Variants in ST8SIA2 observed in about 807,000 individuals in gnomAD.
ST8SIA2 encodes the protein alpha-2,8-sialyltransferase 8B.
ST8SIA2 carries 22 observed loss-of-function variants against 37.6 expected under a neutral mutation model. That is an observed-to-expected ratio of 0.58 (90% CI 0.42 to 0.83). The LOEUF is 0.83. Ranked by LOEUF, ST8SIA2 falls within the 40% of genes least tolerant of loss-of-function variation. The pLI is 0.00. For synonymous variants in ST8SIA2, 205 were observed against 201.2 expected (o/e 1.02, Z -0.16); for missense variants, 382 against 484.7 (o/e 0.79, Z 1.99).
chr15:92,398,112 C>T (rs1005905989), intron 1 of ST8SIA2, among the ~76,000 whole-genome samples: 9 of 151,770 alleles, frequency 5.9e-5, no homozygotes, highest in African/African-American at 1.7e-4. Flanking sequence ...CCAGCCTGGG[C>T]GACAGAGCGA....
At chr15:92,434,184 T>C (rs904331369) in intron 2 of ST8SIA2, 63 bp from the exon 3 acceptor site, 142 of 1,608,930 alleles carry the variant, frequency 8.8e-5, no homozygotes, top group Non-Finnish European at 1.1e-4. Flanking sequence ...ACAAAACTAT[T>C]AGACTTGTCG....
At chr15:92,460,832 G>A (rs1214510101) in intron 5 of ST8SIA2, among the ~76,000 whole-genome samples, 2 of 152,238 alleles carry the variant, frequency 1.3e-5, no homozygotes, top group Non-Finnish European at 2.9e-5. Context: ...CCTGAAAGGA[G>A]GACCTGGCTC....
At chr15:92,451,846 T>A (rs1171374616) in intron 5 of ST8SIA2, among the ~76,000 whole-genome samples, 4 of 152,066 alleles carry the variant, frequency 2.6e-5, no homozygotes, top group Admixed American at 2.6e-4. Context: ...CAGATCCAGG[T>A]CTCCTCCCTG....
Position 92,393,979 on chromosome 15 carries a change from G to T in ST8SIA2, c.-86G>T, listed in dbSNP as rs924764861. On this transcript the variant is annotated 5_prime_UTR_variant, in exon 1 of 6. Coordinates refer to ENST00000268164, the MANE Select transcript of ST8SIA2 (RefSeq NM_006011.4). Reference sequence around the variant, plus strand: ...GTGTCTGCCCAGCTGCGCGCGGCGCGCGGAGGCTCCGGCGTCCGCCGCTGC... The same window carrying T: ...GTGTCTGCCCAGCTGCGCGCGGCGCTCGGAGGCTCCGGCGTCCGCCGCTGC... 2 of 914,564 alleles carry T rather than the reference G, an allele frequency of 2.2e-6. No homozygotes were observed. The highest frequency in any genetic ancestry group is 3.0e-6 in the Non-Finnish European group (2 of 673,138). The allele number at this position is 914,564 out of a possible 1,614,324, so 56.7% of individuals were successfully genotyped here. A position where few individuals can be genotyped will look rare whatever the true frequency, so the allele number is the denominator to read the frequency against.
chr15:92,413,544 A>G (rs2049565318), intron 1 of ST8SIA2, among the ~76,000 whole-genome samples: 1 of 152,128 alleles, frequency 6.6e-6, no homozygotes, highest in Non-Finnish European at 1.5e-5. Context: ...CCTCCCGGCC[A>G]GTGGGTGGGT....
chr15:92,464,331 A>C lies in ST8SIA2; in HGVS notation c.1074A>C (p.Leu358=). 2.5e-6 allele frequency: 4 copies of C among 1,614,090 alleles called. No individual in the cohort carries two copies. Among genetic ancestry groups the C allele is most frequent in the Non-Finnish European group, 2.5e-6 (3 of 1,180,008 alleles). ...TGGAGTTTAAGGCCCTCAAGAGCCT[A>C]CATGAGCAGGGGGCTTTGAAACTGA... ...MPLEFKALKS[L]HEQGALKLTV... is the part of the protein sequence containing the mutation. Residue 358 remains leucine, a synonymous_variant, in exon 6 of 6, where the codon CTA becomes CTC. Coordinates refer to ENST00000268164, the MANE Select transcript of ST8SIA2 (RefSeq NM_006011.4).
At chr15:92,450,186 A>C (rs990757644) in intron 5 of ST8SIA2, among the ~76,000 whole-genome samples, 1 of 152,138 alleles carries the variant, frequency 6.6e-6, no homozygotes, top group African/African-American at 2.4e-5. Flanking sequence ...AAAGATTTAC[A>C]AATACTATAC....
Position 92,394,036 on chromosome 15 carries a change from G to T in ST8SIA2, c.-29G>T, listed in dbSNP as rs780428814. On this transcript the variant is annotated 5_prime_UTR_variant, in exon 1 of 6. Transcript: ENST00000268164. ...CGGCCCCTGCTCCTCGCGCCGGCCC[G>T]CGTGGGTCCCGGCGGGCGCGAACCC... 6.5e-7 allele frequency: 1 copy of T among 1,532,950 alleles called. No individual in the cohort carries two copies. The highest frequency in any genetic ancestry group is 8.8e-7 in the Non-Finnish European group (1 of 1,136,890). The allele number at this position is 1,532,950 out of a possible 1,614,324, so 95.0% of individuals were successfully genotyped here.
intron 1 of ST8SIA2, among the ~76,000 whole-genome samples, chr15:92,408,980 A>G (rs2049529837): frequency 6.6e-6 from 1 of 152,204 alleles, no homozygotes; most frequent in Non-Finnish European, 1.5e-5. Context: ...CTGGGATTAC[A>G]GGCATGAGCT....
Position 92,464,724 on chromosome 15 carries a change from C to T in ST8SIA2, c.*339C>T, listed in dbSNP as rs2049980779. 1 of 332,980 alleles carries T rather than the reference C, an allele frequency of 3.0e-6. No individual in the cohort carries two copies. The highest frequency in any genetic ancestry group is 3.2e-5 in the South Asian group (1 of 31,412). 20.6% of individuals were successfully genotyped at this position (332,980 alleles called of 1,614,324 possible). On this transcript the variant is annotated 3_prime_UTR_variant, in exon 6 of 6. Transcript: ENST00000268164. The stretch of plus-strand genomic sequence containing the variant: ...CATGACTTTGGATGACAAACTGCCT[C>T]CTGGCTTGGAGGGATCTTTGGGCTC...
intron 5 of ST8SIA2, among the ~76,000 whole-genome samples, chr15:92,458,984 A>C (rs1236906977): frequency 6.6e-6 from 1 of 152,130 alleles, no homozygotes; most frequent in Non-Finnish European, 1.5e-5. Context: ...TGGAGGTGGG[A>C]AAGAGAGTTC....
chr15:92,455,613 C>T (rs2049914731), intron 5 of ST8SIA2, among the ~76,000 whole-genome samples: 2 of 152,204 alleles, frequency 1.3e-5, no homozygotes, highest in African/African-American at 4.8e-5. Context: ...ACCTCATTCT[C>T]CTTCACAGCT....
intron 5 of ST8SIA2, among the ~76,000 whole-genome samples, chr15:92,447,864 G>C (rs1483847422): frequency 6.6e-6 from 1 of 152,204 alleles, no homozygotes. Flanking sequence ...ATCCCTGTCA[G>C]AGTAGGTCTG....
At chr15:92,460,436 G>A (rs1280462751) in intron 5 of ST8SIA2, among the ~76,000 whole-genome samples, 4 of 152,244 alleles carry the variant, frequency 2.6e-5, no homozygotes, top group Non-Finnish European at 2.9e-5. Context: ...GTTATGGGAC[G>A]TAGTTAAGCC....
intron 1 of ST8SIA2, among the ~76,000 whole-genome samples, chr15:92,410,227 C>T (rs541337692): frequency 6.6e-6 from 1 of 152,346 alleles, no homozygotes; most frequent in African/African-American, 2.4e-5. Context: ...AATCCATTTG[C>T]TGCTACACCC....
At chr15:92,408,419 G>A (rs1006091810) in intron 1 of ST8SIA2, among the ~76,000 whole-genome samples, 14 of 152,134 alleles carry the variant, frequency 9.2e-5, no homozygotes, top group African/African-American at 3.4e-4. Flanking sequence ...TCAGATGTGT[G>A]CCCCGTTGTA....
Position 92,394,042 on chromosome 15 carries a change from G to C in ST8SIA2, c.-23G>C. On this transcript the variant is annotated 5_prime_UTR_variant, in exon 1 of 6. Coordinates refer to ENST00000268164, the MANE Select transcript of ST8SIA2 (RefSeq NM_006011.4). ...CTGCTCCTCGCGCCGGCCCGCGTGGGTCCCGGCGGGCGCGAACCCACCATG... is the reference window on the plus strand; with the variant it reads ...CTGCTCCTCGCGCCGGCCCGCGTGGCTCCCGGCGGGCGCGAACCCACCATG... 6.5e-7 allele frequency: 1 copy of C among 1,542,522 alleles called. No individual in the cohort carries two copies. Among genetic ancestry groups the C allele is most frequent in the Non-Finnish European group, 8.8e-7 (1 of 1,142,806 alleles).
intron 1 of ST8SIA2, among the ~76,000 whole-genome samples, chr15:92,402,119 C>A (rs926868877): frequency 1.3e-5 from 2 of 152,124 alleles, no homozygotes; most frequent in Non-Finnish European, 2.9e-5. Context: ...TGAGTCCCCA[C>A]CCCCAGTGTT....
Position 92,465,413 on chromosome 15 carries a change from T to C in ST8SIA2, c.*1028T>C, listed in dbSNP as rs1225870723. The C allele has an allele frequency of 3.3e-5, 5 of 152,214 alleles. No homozygotes were observed. The highest frequency in any genetic ancestry group is 5.9e-5 in the Non-Finnish European group (4 of 68,052). 9.4% of individuals were successfully genotyped at this position (152,214 alleles called of 1,614,324 possible). Reference sequence around the variant, plus strand: ...CTGTCAAGATAAATGTCATCCTTCTTAAAATACATATGATTGCCTTTTTGG... The same window carrying C: ...CTGTCAAGATAAATGTCATCCTTCTCAAAATACATATGATTGCCTTTTTGG... On this transcript the variant is annotated 3_prime_UTR_variant, in exon 6 of 6. Coordinates refer to ENST00000268164, the MANE Select transcript of ST8SIA2 (RefSeq NM_006011.4).
Sources: gnomAD v4.1 joint callset for allele counts (sites outside exome capture counted in the v4.1 genomes callset) on GRCh38, gnomAD v4.1.1 for gene constraint, MANE v1.5 for transcripts, NCBI Gene and HGNC (gene_info 2026-07-23, HGNC 2026-07-21) for gene names.